Variants in TMCO4 observed in about 807,000 individuals in gnomAD.
TMCO4 encodes transmembrane and coiled-coil domains 4.
In TMCO4, 58 loss-of-function variants were observed where a neutral mutation model predicts 64.7. That is an observed-to-expected ratio of 0.90 (90% CI 0.73 to 1.12). The LOEUF (loss-of-function observed/expected upper bound fraction) is 1.12. Ranked by LOEUF, TMCO4 falls within the 50% of genes most tolerant of loss-of-function variation. TMCO4 has a pLI of 0.00. For missense variants in TMCO4, 780 were observed against 825.9 expected (o/e 0.94, Z 0.68); for synonymous variants, 325 against 346.1 (o/e 0.94, Z 0.68).
At chr1:19,691,078 C>T (rs1369153878) in intron 15 of TMCO4, among the ~76,000 whole-genome samples, 2 of 152,056 alleles carry the variant, frequency 1.3e-5, no homozygotes, top group African/African-American at 2.4e-5. Flanking sequence ...CTGTGTTAGC[C>T]AGGATGGTCT....
intron 13 of TMCO4, among the ~76,000 whole-genome samples, chr1:19,714,897 T>C (rs917564950): frequency 1.3e-5 from 2 of 152,040 alleles, no homozygotes; most frequent in African/African-American, 4.8e-5. Flanking sequence ...CACTCCAGCC[T>C]GGGTGACAAG....
intron 13 of TMCO4, among the ~76,000 whole-genome samples, chr1:19,715,274 C>G (rs2100704361): frequency 1.3e-5 from 2 of 152,276 alleles, no homozygotes; most frequent in Middle Eastern, 6.8e-3. Context: ...CAGGGTCTCA[C>G]TGTATATAAC....
intron 4 of TMCO4, among the ~76,000 whole-genome samples, chr1:19,773,274 G>A (rs2043066297): frequency 1.3e-5 from 2 of 151,740 alleles, no homozygotes; most frequent in African/African-American, 4.8e-5. Flanking sequence ...CCTGAAATGA[G>A]ATGATTAGGG....
intron 13 of TMCO4, among the ~76,000 whole-genome samples, chr1:19,715,809 G>A (rs2095353044): frequency 6.6e-6 from 1 of 152,204 alleles, no homozygotes; most frequent in African/African-American, 2.4e-5. Flanking sequence ...GACCATGTAA[G>A]CCCCGGGCAT....
At chr1:19,683,686 T>C (rs1245462380) in intron 15 of TMCO4, among the ~76,000 whole-genome samples, 1 of 151,000 alleles carries the variant, frequency 6.6e-6, no homozygotes, top group East Asian at 1.9e-4. Flanking sequence ...AAAATCTGGA[T>C]CCTTTTGGGG....
chr1:19,692,575 C>CAA lies in TMCO4; in HGVS notation c.1500+1857_1500+1858dup, dbSNP rs532713684. ...CGAAACCATATCTCTATTAAAAATA[C>CAA]AAAAAAAAAAAAAAAAAAAGAATTA... On this transcript the variant is annotated intron_variant, in intron 15 of 15. Coordinates refer to ENST00000294543, the MANE Select transcript of TMCO4 (RefSeq NM_181719.7). Among the ~76,000 whole-genome samples the CAA allele has an allele frequency of 1.3e-4, 8 of 63,946 alleles. No homozygotes were observed. In the South Asian group the frequency reaches 1.6e-3, roughly 13 times the overall value. 42.0% of individuals were successfully genotyped at this position (63,946 alleles called of 152,430 possible). A position where few individuals can be genotyped will look rare whatever the true frequency, so the allele number is the denominator to read the frequency against.
rs1448460164 is a variant in TMCO4 at position 19,739,888 on chromosome 1, A to AC, written c.1114dup (p.Val372GlyfsTer221). ...AACCTCTGCTGATCGATGGAGACAC[A>AC]CCCCCCAGGGGTTGTCGATGACATT... On this transcript the variant is annotated frameshift_variant, in exon 12 of 16. Coordinates refer to ENST00000294543, the MANE Select transcript of TMCO4 (RefSeq NM_181719.7). LOFTEE classifies it high-confidence loss of function. 2 of 1,613,302 alleles carry AC rather than the reference A, an allele frequency of 1.2e-6. No homozygotes were observed. The highest frequency in any genetic ancestry group is 1.1e-5 in the South Asian group (1 of 91,006).
chr1:19,684,470 C>A (rs1239573537), intron 15 of TMCO4, among the ~76,000 whole-genome samples: 1 of 152,144 alleles, frequency 6.6e-6, no homozygotes, highest in Non-Finnish European at 1.5e-5. Flanking sequence ...CTGCTGTTCA[C>A]TAGTTGTGAC....
Position 19,755,780 on chromosome 1 carries a change from A to C in TMCO4, c.383-14T>G. The C allele has an allele frequency of 6.2e-7, 1 of 1,613,942 alleles. No individual in the cohort carries two copies. The highest frequency in any genetic ancestry group is 1.7e-4 in the Middle Eastern group (1 of 6,060). The stretch of plus-strand genomic sequence containing the variant: ...CGTCATAGTGCCCTCGAAAGACAGA[A>C]ACAACACCGGAAAAGAATCAGTTTA... On this transcript the variant is annotated splice_polypyrimidine_tract_variant and intron_variant, in intron 6 of 15. Coordinates refer to ENST00000294543, the MANE Select transcript of TMCO4 (RefSeq NM_181719.7).
intron 6 of TMCO4, among the ~76,000 whole-genome samples, chr1:19,767,412 T>C (rs1309233651): frequency 6.6e-6 from 1 of 152,180 alleles, no homozygotes; most frequent in Non-Finnish European, 1.5e-5. Context: ...AGAACGTGCC[T>C]GGGTGGGCAT....
At chr1:19,789,945 C>T (rs566278616) in intron 2 of TMCO4, among the ~76,000 whole-genome samples, 1 of 149,270 alleles carries the variant, frequency 6.7e-6, no homozygotes, top group Non-Finnish European at 1.5e-5. Context: ...CCCAGCTACT[C>T]GGGAGGGTGA....
At position 19,723,591 on chromosome 1, in the gene TMCO4, T is replaced by A. The variant is rs141176539; in HGVS notation, c.1264+13781A>T. Among the ~76,000 whole-genome samples, 154 of 152,366 alleles carry A rather than the reference T, an allele frequency of 1.0e-3. 2 individuals are homozygous for A. The highest frequency in any genetic ancestry group is 5.8e-3 in the South Asian group (28 of 4,832). ...AGAAGGAAGTAATTTCCAAGGCTAG[T>A]ATTTGGGCATTTCTGGATTCCTCCA... On this transcript the variant is annotated intron_variant, in intron 13 of 15. Coordinates refer to ENST00000294543, the MANE Select transcript of TMCO4 (RefSeq NM_181719.7).
chr1:19,736,209 A>G (rs1412217892), intron 13 of TMCO4, among the ~76,000 whole-genome samples: 2 of 152,252 alleles, frequency 1.3e-5, no homozygotes, highest in East Asian at 1.9e-4. Context: ...CACGTCGTAC[A>G]TGGTGGCAGG....
At chr1:19,749,299 G>A (rs1180970140) in intron 7 of TMCO4, among the ~76,000 whole-genome samples, 2 of 152,160 alleles carry the variant, frequency 1.3e-5, no homozygotes, top group Admixed American at 6.5e-5. Context: ...AAACTGAGTG[G>A]TCATAGGACC....
At chr1:19,746,086 G>C (rs2041767514) in intron 9 of TMCO4, among the ~76,000 whole-genome samples, 1 of 152,194 alleles carries the variant, frequency 6.6e-6, no homozygotes, top group South Asian at 2.1e-4. Flanking sequence ...GAGTGGGAGG[G>C]GGGCTGCTGC....
At position 19,782,292 on chromosome 1, in the gene TMCO4, G is replaced by T. The variant is rs184865837; in HGVS notation, c.-8-1526C>A. 1.9e-3 allele frequency among the ~76,000 whole-genome samples: 282 copies of T among 152,298 alleles called. 2 individuals are homozygous for T. Among genetic ancestry groups the T allele is most frequent in the Non-Finnish European group, 3.6e-3 (242 of 68,032 alleles). ...ATGATACACAGAAAGCCATTCACGA[G>T]AGAGTACCTACCATGGGATTCCCTT... On this transcript the variant is annotated intron_variant, in intron 3 of 15. Transcript: ENST00000294543.
At chr1:19,706,595 G>C (rs2095304449) in intron 13 of TMCO4, among the ~76,000 whole-genome samples, 2 of 152,168 alleles carry the variant, frequency 1.3e-5, no homozygotes, top group Non-Finnish European at 2.9e-5. Context: ...TTTTTAAACA[G>C]TTCTCGCTAA....
chr1:19,778,488 G>T (rs965294073), intron 4 of TMCO4, among the ~76,000 whole-genome samples: 4 of 152,040 alleles, frequency 2.6e-5, no homozygotes, highest in Non-Finnish European at 5.9e-5. Context: ...TGACCAGGCT[G>T]GTCTCAAACT....
At chr1:19,768,611 A>G (rs1469379738) in intron 6 of TMCO4, among the ~76,000 whole-genome samples, 1 of 152,146 alleles carries the variant, frequency 6.6e-6, no homozygotes, top group African/African-American at 2.4e-5. Context: ...TCTGCTACAT[A>G]AAGTATTACC....
Sources: gnomAD v4.1 joint callset for allele counts (sites outside exome capture counted in the v4.1 genomes callset) on GRCh38, gnomAD v4.1.1 for gene constraint, MANE v1.5 for transcripts, NCBI Gene and HGNC (gene_info 2026-07-23, HGNC 2026-07-21) for gene names.